The following RAB3GAP2 variants were observed in gnomAD, a reference collection of about 807,000 sequenced individuals.
RAB3GAP2 encodes rab3 GTPase-activating protein non-catalytic subunit.
A neutral mutation model predicts 185.3 loss-of-function variants in RAB3GAP2; 87 were observed. The ratio of observed to expected loss-of-function variants is 0.47; its 90% CI spans 0.39 to 0.56. The LOEUF (loss-of-function observed/expected upper bound fraction) is 0.56, where lower values mean the gene tolerates loss of function less well. RAB3GAP2 is among the 20% of genes least tolerant of loss of function. The probability of loss-of-function intolerance (pLI) is 0.00; values close to 1 mark genes in which losing one functional copy is unlikely to be tolerated. For missense variants in RAB3GAP2, 1,492 were observed against 1,638.2 expected (o/e 0.91, Z 1.54); for synonymous variants, 554 against 576.1 (o/e 0.96, Z 0.55).
intron 2 of RAB3GAP2, among the ~76,000 whole-genome samples, chr1:220,228,516 T>C (rs1659443782): frequency 6.6e-6 from 1 of 152,194 alleles, no homozygotes; most frequent in Admixed American, 6.5e-5. Flanking sequence ...CTGACCATAG[T>C]GCCGTTTTTG....
rs143942175 is a variant in RAB3GAP2, at chr1:220,256,038, C to T, written c.115+16185G>A. Reference sequence around the variant, plus strand: ...GTTAAGGACAGCCAGAGAGAAAGGCCAGGTCACCTACAAAAGGAAACCCAT... The same window carrying T: ...GTTAAGGACAGCCAGAGAGAAAGGCTAGGTCACCTACAAAAGGAAACCCAT... On this transcript the variant is annotated intron_variant, in intron 1 of 34. Transcript: ENST00000358951. 4.5e-4 allele frequency among the ~76,000 whole-genome samples: 68 copies of T among 152,234 alleles called. No homozygotes were observed. The East Asian group carries it at 0.011, about 24-fold the overall frequency.
At position 220,150,118 on chromosome 1, in the gene RAB3GAP2, T is replaced by C. The variant is rs2102847808; in HGVS notation, c.*1133A>G. The C allele has an allele frequency of 1.3e-5, 2 of 151,494 alleles. No homozygotes were observed. The highest frequency in any genetic ancestry group is 6.8e-3 in the Middle Eastern group (2 of 294). 9.4% of individuals were successfully genotyped at this position (151,494 alleles called of 1,614,324 possible). On this transcript the variant is annotated 3_prime_UTR_variant, in exon 35 of 35. Coordinates refer to ENST00000358951, the MANE Select transcript of RAB3GAP2 (RefSeq NM_012414.4). ...AGTTTGGTTTTTTCTTTTTTTTTTT[T>C]TTTTCGAGACAGGGTCTTGCTATAT...
chr1:220,172,820 G>C, intron 21 of RAB3GAP2, 78 bp from the exon 22 acceptor site: 1 of 897,586 alleles, frequency 1.1e-6, no homozygotes. Context: ...CTAGACAGCA[G>C]ATGCATGCAT....
In RAB3GAP2 at chr1:220,151,591, T is replaced by G; in HGVS notation, c.4026+15A>C. 1 of 1,604,760 alleles carries G rather than the reference T, an allele frequency of 6.2e-7. No homozygotes were observed. Among genetic ancestry groups the G allele is most frequent in the Non-Finnish European group, 8.5e-7 (1 of 1,171,424 alleles). ...TCCAATGACCTTTTGCCTGATCTCG[T>G]TCTATTGTACTGACCATTGCTTTCA... is the stretch of plus-strand genomic sequence containing the variant. On this transcript the variant is annotated intron_variant, in intron 34 of 34. Transcript: ENST00000358951.
At chr1:220,253,853 G>A (rs1659984334) in intron 1 of RAB3GAP2, 2 of 1,612,790 alleles carry the variant, frequency 1.2e-6, no homozygotes, top group East Asian at 2.2e-5. Flanking sequence ...GCTGCCCCAG[G>A]AAAGAAGACA....
chr1:220,201,830 CT>C (rs906242809), intron 9 of RAB3GAP2, among the ~76,000 whole-genome samples: 117 of 152,190 alleles, frequency 7.7e-4, no homozygotes, highest in African/African-American at 2.7e-3. Flanking sequence ...TGATCTGAAT[CT>C]GAACTAACTT....
In RAB3GAP2 at chr1:220,182,126, T is replaced by C. The variant is rs1571886569; in HGVS notation, c.2310+131A>G. On this transcript the variant is annotated intron_variant, in intron 21 of 34. Transcript: ENST00000358951. ...ATATGGTGATTAAAATTTTCTTTGA[T>C]CATTTTTAGAAAGTTTTCATGGACA... The C allele has an allele frequency of 1.1e-5, 16 of 1,455,264 alleles. No homozygotes were observed. In the East Asian group the frequency reaches 3.4e-4, roughly 31 times the overall value. 90.1% of individuals were successfully genotyped at this position (1,455,264 alleles called of 1,614,324 possible). A position where few individuals can be genotyped will look rare whatever the true frequency, so the allele number is the denominator to read the frequency against.
chr1:220,270,400 C>T (rs1489772973), intron 1 of RAB3GAP2, among the ~76,000 whole-genome samples: 1 of 152,238 alleles, frequency 6.6e-6, no homozygotes, highest in Non-Finnish European at 1.5e-5. Context: ...GTACTCCCTA[C>T]TGTTTAGACT....
intron 32 of RAB3GAP2, chr1:220,153,756 C>T (rs551129561): frequency 3.7e-6 from 2 of 545,856 alleles, no homozygotes; most frequent in South Asian, 2.0e-5. Flanking sequence ...CCCCCTTCCC[C>T]CCACCCCACG....
intron 1 of RAB3GAP2, among the ~76,000 whole-genome samples, chr1:220,249,795 G>A (rs954199022): frequency 6.6e-6 from 1 of 152,170 alleles, no homozygotes; most frequent in East Asian, 1.9e-4. Context: ...ATATAGCTTA[G>A]GCCATTGCTT....
chr1:220,194,692 T>C (rs1399502950), intron 12 of RAB3GAP2, among the ~76,000 whole-genome samples: 1 of 152,150 alleles, frequency 6.6e-6, no homozygotes, highest in African/African-American at 2.4e-5. Flanking sequence ...CGCAATCCAC[T>C]AGGATGACTT....
chr1:220,149,405 G>GC lies in RAB3GAP2; in HGVS notation c.*1845dup, dbSNP rs1657699369. On this transcript the variant is annotated 3_prime_UTR_variant, in exon 35 of 35. Transcript: ENST00000358951. ...TTATTATCTAAAATGCTTAATAAGT[G>GC]CCCCCTCCCCGCCAAGTGATGATGG... 6.6e-6 allele frequency: 1 copy of GC among 152,150 alleles called. No homozygotes were observed. The highest frequency in any genetic ancestry group is 1.5e-5 in the Non-Finnish European group (1 of 67,996). 9.4% of individuals were successfully genotyped at this position (152,150 alleles called of 1,614,324 possible).
At chr1:220,175,704 T>G (rs1658276119) in intron 21 of RAB3GAP2, among the ~76,000 whole-genome samples, 1 of 152,136 alleles carries the variant, frequency 6.6e-6, no homozygotes, top group Non-Finnish European at 1.5e-5. Context: ...ATTCCACTTT[T>G]CTCTCCAACC....
chr1:220,262,860 A>T (rs74973867), intron 1 of RAB3GAP2, among the ~76,000 whole-genome samples: 3,286 of 152,202 alleles, frequency 0.022, 120 homozygotes, highest in South Asian at 0.12. Flanking sequence ...TAATTTTTTT[A>T]AAATTTTTTG....
intron 20 of RAB3GAP2, 71 bp downstream of exon 20, chr1:220,182,647 T>C: frequency 7.8e-7 from 1 of 1,278,280 alleles, no homozygotes; most frequent in Non-Finnish European, 1.1e-6. Flanking sequence ...ATCTCTGAGA[T>C]GCTATATGTT....
chr1:220,153,997 C>A lies in RAB3GAP2; in HGVS notation c.3616G>T (p.Asp1206Tyr), dbSNP rs139407102. The change falls in exon 32 of 35, where the codon GAT (aspartate) becomes TAT (tyrosine). Residue 1206 changes from aspartate to tyrosine, a missense_variant. By Grantham distance (160) the Asp-to-Tyr change is radical. Coordinates refer to ENST00000358951, the MANE Select transcript of RAB3GAP2 (RefSeq NM_012414.4). ...TGTCGTACAGAAATAAAATTTGGAT[C>A]CATTTCCCCACTAGGTAATAACTGA... is the stretch of plus-strand genomic sequence containing the variant. ...SIQLLPSGEM[D>Y]PNFISVRQQF... is the part of the protein sequence containing the mutation. The A allele has an allele frequency of 1.4e-4, 222 of 1,613,400 alleles. 1 individual carries two copies. The highest frequency in any genetic ancestry group is 2.5e-5 in the Non-Finnish European group (30 of 1,179,824).
chr1:220,254,469 G>A (rs1288487771), intron 1 of RAB3GAP2: 3 of 1,613,588 alleles, frequency 1.9e-6, no homozygotes, highest in Middle Eastern at 1.7e-4. Context: ...ACCTGGCAAA[G>A]AATTCTGCAA....
chr1:220,229,912 G>A (rs1472918600), intron 2 of RAB3GAP2, among the ~76,000 whole-genome samples: 1 of 152,174 alleles, frequency 6.6e-6, no homozygotes, highest in South Asian at 2.1e-4. Flanking sequence ...TTAGCTACAT[G>A]ATTTCAGAAA....
At chr1:220,189,579 C>T in intron 17 of RAB3GAP2, 124 bp downstream of exon 17, 1 of 863,472 alleles carries the variant, frequency 1.2e-6, no homozygotes, top group African/African-American at 1.8e-5. Flanking sequence ...AAGGGATAAA[C>T]AATAAAAATG....
Sources: gnomAD v4.1 joint callset for allele counts (sites outside exome capture counted in the v4.1 genomes callset) on GRCh38, gnomAD v4.1.1 for gene constraint, MANE v1.5 for transcripts, NCBI Gene and HGNC (gene_info 2026-07-23, HGNC 2026-07-21) for gene names.